FBXL13: variants seen among roughly 807,000 people sequenced by gnomAD.
FBXL13 encodes F-box and leucine rich repeat protein 13.
FBXL13 carries 67 observed loss-of-function variants against 83.6 expected under a neutral mutation model. The ratio of observed to expected loss-of-function variants is 0.80; its 90% CI spans 0.66 to 0.98. The LOEUF is 0.98. Among genes scored for constraint, FBXL13 ranks in the 50% least tolerant of loss-of-function variants. The pLI, the probability that FBXL13 is intolerant of heterozygous loss-of-function variation, is 0.00. For synonymous variants in FBXL13, 272 were observed against 299.5 expected (o/e 0.91, Z 0.95); for missense variants, 822 against 866.5 (o/e 0.95, Z 0.64).
Position 103,030,608 on chromosome 7 carries a change from CTAAA to C in FBXL13, c.1-1194_1-1191del, listed in dbSNP as rs532477823. ...TTTAGATGATATTACCTGAAAAGTCCTAAATAAATAACTACAGTAAATGATATGT... is the reference window on the plus strand; with the variant it reads ...TTTAGATGATATTACCTGAAAAGTCCTAAATAACTACAGTAAATGATATGT... On this transcript the variant is annotated intron_variant, in intron 2 of 19. Transcript: ENST00000313221. Among the ~76,000 whole-genome samples, 189 of 151,992 alleles carry C rather than the reference CTAAA, an allele frequency of 1.2e-3. 3 individuals carry two copies. The East Asian group carries it at 0.016, about 13-fold the overall frequency.
intron 16 of FBXL13, among the ~76,000 whole-genome samples, chr7:102,862,374 G>T (rs544680996): frequency 6.6e-6 from 1 of 150,990 alleles, no homozygotes; most frequent in African/African-American, 2.4e-5. Context: ...TGGAGGGTGC[G>T]CAATGATATG....
At chr7:103,015,336 T>C (rs934786112) in intron 6 of FBXL13, among the ~76,000 whole-genome samples, 22 of 152,142 alleles carry the variant, frequency 1.4e-4, no homozygotes, top group Admixed American at 6.6e-5. Context: ...CTGAAAGTCC[T>C]AGCAAGAGAA....
chr7:102,951,493 C>T (rs936210747), intron 8 of FBXL13, among the ~76,000 whole-genome samples: 12 of 150,912 alleles, frequency 8.0e-5, no homozygotes, highest in African/African-American at 2.9e-4. Context: ...GCAAACAAAA[C>T]CCAAGTCAAC....
At chr7:102,815,195 C>T (rs992535627) in intron 19 of FBXL13, among the ~76,000 whole-genome samples, 4 of 152,172 alleles carry the variant, frequency 2.6e-5, no homozygotes, top group African/African-American at 9.7e-5. Flanking sequence ...TTGGAAATGG[C>T]TCAAACCCAG....
chr7:102,998,818 C>CAAT (rs928330597), intron 6 of FBXL13, among the ~76,000 whole-genome samples: 1 of 151,622 alleles, frequency 6.6e-6, no homozygotes, highest in East Asian at 1.9e-4. Flanking sequence ...AAAATAATAA[C>CAAT]AATAATAATA....
At chr7:102,867,134 A>G (rs1472832113) in intron 16 of FBXL13, among the ~76,000 whole-genome samples, 2 of 152,166 alleles carry the variant, frequency 1.3e-5, no homozygotes, top group Non-Finnish European at 2.9e-5. Flanking sequence ...CAAGAGGATC[A>G]CTTGAGCCCA....
intron 6 of FBXL13, among the ~76,000 whole-genome samples, chr7:102,979,977 C>T (rs895261837): frequency 6.6e-6 from 1 of 152,078 alleles, no homozygotes; most frequent in Non-Finnish European, 1.5e-5. Context: ...TTTTATAAGA[C>T]CATTCTATCA....
At chr7:102,865,453 CTA>C (rs1209561730) in intron 16 of FBXL13, among the ~76,000 whole-genome samples, 2 of 152,066 alleles carry the variant, frequency 1.3e-5, no homozygotes, top group African/African-American at 4.8e-5. Context: ...CTTTTCTACT[CTA>C]GTTAGTAATT....
chr7:102,972,434 T>G (rs1826805113), intron 6 of FBXL13, among the ~76,000 whole-genome samples: 1 of 152,182 alleles, frequency 6.6e-6, no homozygotes, highest in Admixed American at 6.5e-5. Context: ...ATGGTTATCT[T>G]CTACAACATG....
chr7:103,072,024 A>G (rs1477119353), intron 1 of FBXL13, among the ~76,000 whole-genome samples: 1 of 151,962 alleles, frequency 6.6e-6, no homozygotes, highest in African/African-American at 2.4e-5. Context: ...CTCGACTAAA[A>G]ATACAAAAAT....
At chr7:102,895,032 C>T (rs543436446) in intron 11 of FBXL13, among the ~76,000 whole-genome samples, 1 of 152,238 alleles carries the variant, frequency 6.6e-6, no homozygotes, top group African/African-American at 2.4e-5. Flanking sequence ...GCTAAGGATA[C>T]AGATACACAA....
intron 6 of FBXL13, chr7:102,973,291 C>T (rs1301384269): frequency 1.6e-5 from 8 of 500,342 alleles, no homozygotes; most frequent in Non-Finnish European, 2.9e-5. Flanking sequence ...GGCACAAGGC[C>T]ACTTGTACCA....
intron 11 of FBXL13, among the ~76,000 whole-genome samples, chr7:102,909,306 T>A (rs1698612549): frequency 1.3e-5 from 2 of 152,046 alleles, no homozygotes; most frequent in Admixed American, 1.3e-4. Context: ...TGGGTTCCCC[T>A]CTGGCCCAAG....
At chr7:103,009,359 CAG>C (rs1791338506) in intron 6 of FBXL13, among the ~76,000 whole-genome samples, 1 of 152,012 alleles carries the variant, frequency 6.6e-6, no homozygotes, top group South Asian at 2.1e-4. Flanking sequence ...ACACAGATTG[CAG>C]AGAGGAATGA....
At chr7:102,903,786 G>A (rs192271385) in intron 11 of FBXL13, among the ~76,000 whole-genome samples, 27 of 152,046 alleles carry the variant, frequency 1.8e-4, no homozygotes, top group African/African-American at 6.5e-4. Flanking sequence ...ATTTGCATAT[G>A]TTGAACCATC....
chr7:102,967,270 CTTT>C (rs56060851), intron 7 of FBXL13, among the ~76,000 whole-genome samples: 2 of 148,856 alleles, frequency 1.3e-5, no homozygotes, highest in Non-Finnish European at 1.5e-5. Context: ...TCCTCTCTTT[CTTT>C]TTTTTTTTTT....
chr7:103,030,308 G>A (rs909429710), intron 2 of FBXL13, among the ~76,000 whole-genome samples: 22 of 152,270 alleles, frequency 1.4e-4, no homozygotes, highest in African/African-American at 5.3e-4. Flanking sequence ...AAGGCCCATA[G>A]GACCCCCGAC....
chr7:102,856,376 C>G (rs1293660762), intron 16 of FBXL13, among the ~76,000 whole-genome samples: 2 of 152,166 alleles, frequency 1.3e-5, no homozygotes, highest in Non-Finnish European at 2.9e-5. Flanking sequence ...TGTCTCTTTA[C>G]CCTATACTTG....
chr7:102,852,677 G>T (rs1805444400), intron 17 of FBXL13, among the ~76,000 whole-genome samples: 1 of 152,080 alleles, frequency 6.6e-6, no homozygotes, highest in African/African-American at 2.4e-5. Context: ...TAATCAAAAA[G>T]TCAAAAAATA....
Sources: allele counts gnomAD v4.1 joint callset (sites outside exome capture counted in the v4.1 genomes callset), GRCh38; gene constraint gnomAD v4.1.1; transcripts MANE v1.5; gene names NCBI Gene and HGNC (gene_info 2026-07-23, HGNC 2026-07-21).